The following LRRIQ3 variants were observed in gnomAD, a reference collection of about 807,000 sequenced individuals.
LRRIQ3 encodes the protein leucine-rich repeat and IQ domain-containing protein 3.
Under a neutral mutation model 59.3 loss-of-function variants are expected in LRRIQ3, and 75 were observed. That is an observed-to-expected ratio of 1.26 (90% CI 1.05 to 1.53). The LOEUF is 1.53. Among genes scored for constraint, LRRIQ3 ranks in the 40% most tolerant of loss-of-function variants. The probability of loss-of-function intolerance (pLI) is 0.00; values close to 1 mark genes in which losing one functional copy is unlikely to be tolerated. For missense variants in LRRIQ3, 831 were observed against 710.0 expected, an observed-to-expected ratio of 1.17 and a Z score of -1.94; for synonymous variants, 250 against 231.3, an observed-to-expected ratio of 1.08 and a Z score of -0.73.
intron 4 of LRRIQ3, among the ~76,000 whole-genome samples, chr1:74,142,253 T>C (rs970779660): frequency 6.6e-6 from 1 of 151,980 alleles, no homozygotes; most frequent in Non-Finnish European, 1.5e-5. Context: ...TACCAGTCTC[T>C]ATTCACACTC....
chr1:74,044,190 C>T (rs1344717800), intron 6 of LRRIQ3, among the ~76,000 whole-genome samples: 1 of 152,056 alleles, frequency 6.6e-6, no homozygotes, highest in African/African-American at 2.4e-5. Flanking sequence ...TTCCCAGCCC[C>T]TAGCCTACTA....
At chr1:74,134,355 C>T (rs960451594) in intron 4 of LRRIQ3, among the ~76,000 whole-genome samples, 3 of 152,028 alleles carry the variant, frequency 2.0e-5, no homozygotes, top group Non-Finnish European at 4.4e-5. Context: ...CCCATAACCC[C>T]TACCACTTCT....
intron 4 of LRRIQ3, among the ~76,000 whole-genome samples, chr1:74,117,229 T>C (rs1646789673): frequency 6.6e-6 from 1 of 152,152 alleles, no homozygotes; most frequent in East Asian, 1.9e-4. Context: ...AAGATGTGTA[T>C]ATTTTATCAC....
intron 3 of LRRIQ3, among the ~76,000 whole-genome samples, chr1:74,161,598 AG>A (rs1276370401): frequency 2.0e-5 from 3 of 151,794 alleles, no homozygotes; most frequent in African/African-American, 4.8e-5. Flanking sequence ...AGAATACAGG[AG>A]GGAATTTAGA....
intron 4 of LRRIQ3, chr1:74,138,473 C>T: frequency 4.1e-6 from 4 of 984,612 alleles, no homozygotes; most frequent in Non-Finnish European, 4.8e-6. Context: ...AGGGTCTGAC[C>T]CAGAGTTCAG....
At chr1:74,116,063 T>A (rs1055288222) in intron 4 of LRRIQ3, among the ~76,000 whole-genome samples, 3 of 152,030 alleles carry the variant, frequency 2.0e-5, no homozygotes, top group African/African-American at 7.2e-5. Flanking sequence ...AATCAAAATA[T>A]ATTGATTTTA....
intron 6 of LRRIQ3, among the ~76,000 whole-genome samples, chr1:74,049,540 A>T (rs1654299992): frequency 6.6e-6 from 1 of 152,162 alleles, no homozygotes; most frequent in Admixed American, 6.6e-5. Flanking sequence ...AGATAGCAGA[A>T]GTGAGAAAGA....
In LRRIQ3 at chr1:74,163,872, A is replaced by G. The variant is rs151095981; in HGVS notation, c.574-8006T>C. Among the ~76,000 whole-genome samples, 443 of 151,260 alleles carry G rather than the reference A, an allele frequency of 2.9e-3. 1 individual carries two copies. Among genetic ancestry groups the G allele is most frequent in the African/African-American group, 0.01 (417 of 41,368 alleles). ...AGTGGCTGTACTATTTTATTTTCCT[A>G]CCAGTTTTGCTGCATACATGCCAGA... On this transcript the variant is annotated intron_variant, in intron 3 of 7. Transcript: ENST00000354431.
At position 74,074,662 on chromosome 1, in the gene LRRIQ3, T is replaced by C. The variant is rs1010252689; in HGVS notation, c.996A>G (p.Lys332=). Reference sequence around the variant, plus strand: ...TAATTAAAAATTCATATAACTAACCTTTTTGAATGAGATGTCTTGATGTTT... The same window carrying C: ...TAATTAAAAATTCATATAACTAACCCTTTTGAATGAGATGTCTTGATGTTT... ...KSKTSRHLIQ[K]GQESEDEIVD... The change falls in exon 6 of 8, where the codon AAA becomes AAG. Residue 332 remains lysine (K), a splice_region_variant and synonymous_variant. Coordinates refer to ENST00000354431, the MANE Select transcript of LRRIQ3 (RefSeq NM_001105659.2). 2 of 1,325,526 alleles carry C rather than the reference T, an allele frequency of 1.5e-6. No homozygotes were observed. The highest frequency in any genetic ancestry group is 2.9e-5 in the East Asian group (1 of 34,314). The allele number at this position is 1,325,526 out of a possible 1,614,324, so 82.1% of individuals were successfully genotyped here.
At chr1:74,196,564 C>A (rs1489034721) in intron 1 of LRRIQ3, among the ~76,000 whole-genome samples, 1 of 152,116 alleles carries the variant, frequency 6.6e-6, no homozygotes, top group African/African-American at 2.4e-5. Context: ...CTTTATTCCA[C>A]ATGTCCAAAA....
chr1:74,120,127 T>G (rs1646831916), intron 4 of LRRIQ3, among the ~76,000 whole-genome samples: 1 of 151,716 alleles, frequency 6.6e-6, no homozygotes, highest in South Asian at 2.1e-4. Flanking sequence ...GTATGTTGTT[T>G]TTTTTTTTTG....
At chr1:74,178,716 C>T (rs1294177865) in intron 3 of LRRIQ3, among the ~76,000 whole-genome samples, 2 of 152,224 alleles carry the variant, frequency 1.3e-5, no homozygotes, top group Non-Finnish European at 2.9e-5. Context: ...TAAAAATACT[C>T]ATCAAACCAG....
chr1:74,129,290 C>T (rs1345391951), intron 4 of LRRIQ3, among the ~76,000 whole-genome samples: 1 of 151,954 alleles, frequency 6.6e-6, no homozygotes, highest in Non-Finnish European at 1.5e-5. Context: ...GTCACCCAAG[C>T]CACAAAACAA....
At chr1:74,059,297 T>A (rs1174295935) in intron 6 of LRRIQ3, among the ~76,000 whole-genome samples, 1 of 148,990 alleles carries the variant, frequency 6.7e-6, no homozygotes, top group Non-Finnish European at 1.5e-5. Flanking sequence ...TAGTGGCATA[T>A]CTAAAACATC....
At position 74,180,825 on chromosome 1, in the gene LRRIQ3, A is replaced by G; in HGVS notation, c.573+1713T>C. On this transcript the variant is annotated intron_variant, in intron 3 of 7. Coordinates refer to ENST00000354431, the MANE Select transcript of LRRIQ3 (RefSeq NM_001105659.2). ...CATCCAAGGAAACAATGAGGAATAA[A>G]TATTCTTCAAAAAGGCCTTCCCCAT... is the stretch of plus-strand genomic sequence containing the variant. The G allele has an allele frequency of 1.9e-6, 3 of 1,545,368 alleles. 1 individual carries two copies. The South Asian group carries it at 3.6e-5, about 18-fold the overall frequency.
At chr1:74,066,186 C>T (rs796240500) in intron 6 of LRRIQ3, among the ~76,000 whole-genome samples, 5 of 84,456 alleles carry the variant, frequency 5.9e-5, no homozygotes, top group African/African-American at 2.1e-4. Flanking sequence ...AACTCTGTCT[C>T]GAAAAAAAAA....
intron 7 of LRRIQ3, 111 bp downstream of exon 7, chr1:74,041,102 A>G (rs1654029790): frequency 1.2e-6 from 1 of 862,028 alleles, no homozygotes; most frequent in Admixed American, 2.9e-5. Flanking sequence ...TTTTCAAAGT[A>G]GAATGTACTA....
At chr1:74,082,395 C>T (rs770337511) in intron 5 of LRRIQ3, 2 of 151,454 alleles carry the variant, frequency 1.3e-5, no homozygotes, top group Non-Finnish European at 3.0e-5. Flanking sequence ...TATGAGTTTA[C>T]ACTGCTTAAG....
chr1:74,095,702 C>A (rs4650246), intron 5 of LRRIQ3, among the ~76,000 whole-genome samples: 124,154 of 151,930 alleles, frequency 0.82, 52,640 homozygotes, highest in East Asian at 0.97. Flanking sequence ...ATAACTAAAC[C>A]ATGGTCACAT....
Sources: gnomAD v4.1 joint callset for allele counts (sites outside exome capture counted in the v4.1 genomes callset) on GRCh38, gnomAD v4.1.1 for gene constraint, MANE v1.5 for transcripts, NCBI Gene and HGNC (gene_info 2026-07-23, HGNC 2026-07-21) for gene names.